BMP5: variants seen among roughly 807,000 people sequenced by gnomAD.
The protein encoded by BMP5 is bone morphogenetic protein 5.
A neutral mutation model predicts 46.6 loss-of-function variants in BMP5; 23 were observed. The ratio of observed to expected loss-of-function variants is 0.49; its 90% confidence interval spans 0.35 to 0.70. The LOEUF (loss-of-function observed/expected upper bound fraction) is 0.70, where lower values mean the gene tolerates loss of function less well. BMP5 is among the 30% of genes least tolerant of loss of function. BMP5 has a pLI of 0.00. For missense variants in BMP5, 545 were observed against 565.6 expected, an observed-to-expected ratio of 0.96 and a Z score of 0.37; for synonymous variants, 204 against 191.9, an observed-to-expected ratio of 1.06 and a Z score of -0.52.
intron 2 of BMP5, among the ~76,000 whole-genome samples, chr6:55,811,890 C>A (rs1425151231): frequency 6.6e-6 from 1 of 152,164 alleles, no homozygotes; most frequent in African/African-American, 2.4e-5. Flanking sequence ...ATATTTACAT[C>A]ATCGTTCTTA....
At chr6:55,807,874 T>C (rs1200839111) in intron 2 of BMP5, among the ~76,000 whole-genome samples, 8 of 152,180 alleles carry the variant, frequency 5.3e-5, no homozygotes, top group Non-Finnish European at 7.4e-5. Flanking sequence ...TGACATGTGT[T>C]TATATACTGA....
chr6:55,860,242 C>CCA (rs1777499292), intron 1 of BMP5, among the ~76,000 whole-genome samples: 1 of 152,136 alleles, frequency 6.6e-6, no homozygotes, highest in South Asian at 2.1e-4. Context: ...CCACTGACCT[C>CCA]CAGCCTGGGT....
rs369737308 is a variant in BMP5 at position 55,874,721 on chromosome 6, G to A, written c.145C>T (p.Arg49Trp). 44 of 1,613,332 alleles carry A rather than the reference G, an allele frequency of 2.7e-5. No individual in the cohort carries two copies. The Middle Eastern group carries it at 9.9e-4, about 36-fold the overall frequency. The change falls in exon 1 of 7, where the codon CGG becomes TGG. Residue 49 changes from arginine to tryptophan, a missense_variant. Transcript: ENST00000370830. ...GAGAGAATTTCCCTTTGTATTTCCCGTCTTTCGTGGTTCCGTAGTCTTCTA... is the reference window on the plus strand; with the variant it reads ...GAGAGAATTTCCCTTTGTATTTCCCATCTTTCGTGGTTCCGTAGTCTTCTA... ...IYRRLRNHER[R>W]EIQREILSIL...
At chr6:55,832,766 C>A (rs1446657988) in intron 1 of BMP5, among the ~76,000 whole-genome samples, 1 of 152,028 alleles carries the variant, frequency 6.6e-6, no homozygotes, top group East Asian at 1.9e-4. Flanking sequence ...AGTGTTAATG[C>A]AAATTCCAAA....
chr6:55,774,636 A>G (rs1382742968), intron 3 of BMP5, among the ~76,000 whole-genome samples: 1 of 152,032 alleles, frequency 6.6e-6, no homozygotes, highest in Non-Finnish European at 1.5e-5. Flanking sequence ...CCTTTAAGTT[A>G]TAAAAGCCGA....
chr6:55,818,201 T>C (rs539129643), intron 2 of BMP5, among the ~76,000 whole-genome samples: 1 of 151,992 alleles, frequency 6.6e-6, no homozygotes, highest in African/African-American at 2.4e-5. Context: ...AGATGACATG[T>C]ATACAGGGTG....
At chr6:55,835,369 A>T (rs1448563255) in intron 1 of BMP5, among the ~76,000 whole-genome samples, 1 of 152,198 alleles carries the variant, frequency 6.6e-6, no homozygotes, top group Non-Finnish European at 1.5e-5. Flanking sequence ...CTAACTGAGC[A>T]GAAATTATTT....
intron 1 of BMP5, among the ~76,000 whole-genome samples, chr6:55,852,550 C>G (rs1777271539): frequency 6.6e-6 from 1 of 151,970 alleles, no homozygotes; most frequent in African/African-American, 2.4e-5. Flanking sequence ...ATATTTTCAT[C>G]ATAGTCTCTG....
At chr6:55,773,406 G>A (rs964545094) in intron 4 of BMP5, among the ~76,000 whole-genome samples, 3 of 151,822 alleles carry the variant, frequency 2.0e-5, no homozygotes, top group African/African-American at 7.3e-5. Flanking sequence ...GATGCTTTCT[G>A]ATCAATTGAA....
chr6:55,821,639 C>A (rs931812907), intron 1 of BMP5, among the ~76,000 whole-genome samples: 2 of 152,132 alleles, frequency 1.3e-5, no homozygotes, highest in Non-Finnish European at 2.9e-5. Context: ...GATTATTAAT[C>A]AATTTTTCCT....
At chr6:55,792,535 C>CAAA (rs78969394) in intron 3 of BMP5, among the ~76,000 whole-genome samples, 7 of 74,656 alleles carry the variant, frequency 9.4e-5, no homozygotes, top group African/African-American at 8.9e-5. Context: ...GACTCCGTCT[C>CAAA]AAAAAAAAAA....
chr6:55,870,106 T>A lies in BMP5; in HGVS notation c.490+4270A>T, dbSNP rs1460034297. ...TGGAAGAATGAAAGGGAAGGAGAGG[T>A]GGCAGCTGAGGCAGTCCCAAGTCCT... On this transcript the variant is annotated intron_variant, in intron 1 of 6. Transcript: ENST00000370830. Among the ~76,000 whole-genome samples, 5 of 150,592 alleles carry A rather than the reference T, an allele frequency of 3.3e-5. No homozygotes were observed. In the Admixed American group the frequency reaches 3.3e-4, roughly 10 times the overall value.
intron 1 of BMP5, among the ~76,000 whole-genome samples, chr6:55,850,721 C>A (rs1777220273): frequency 6.6e-6 from 1 of 152,108 alleles, no homozygotes; most frequent in African/African-American, 2.4e-5. Context: ...ATTAGAAATT[C>A]TTTCATCAAA....
chr6:55,803,318 A>C (rs1024689586), intron 2 of BMP5, among the ~76,000 whole-genome samples: 6 of 152,136 alleles, frequency 3.9e-5, no homozygotes, highest in Non-Finnish European at 7.4e-5. Flanking sequence ...AACAAACAAA[A>C]AAAAAAACAG....
At chr6:55,787,957 A>C (rs1775487316) in intron 3 of BMP5, among the ~76,000 whole-genome samples, 1 of 151,682 alleles carries the variant, frequency 6.6e-6, no homozygotes, top group South Asian at 2.1e-4. Flanking sequence ...TGGTATAAAC[A>C]TCAGCACAAC....
intron 1 of BMP5, among the ~76,000 whole-genome samples, chr6:55,861,565 T>A (rs915846722): frequency 3.9e-5 from 6 of 152,184 alleles, no homozygotes; most frequent in African/African-American, 1.4e-4. Context: ...AATGTCAGTA[T>A]CTTTGGTGTC....
chr6:55,800,536 TA>T (rs1677079160), intron 2 of BMP5, among the ~76,000 whole-genome samples: 2 of 152,170 alleles, frequency 1.3e-5, no homozygotes, highest in Non-Finnish European at 2.9e-5. Context: ...TAATTCGATA[TA>T]TAAGGGATGT....
At chr6:55,872,086 T>C (rs1562081428) in intron 1 of BMP5, among the ~76,000 whole-genome samples, 1 of 151,824 alleles carries the variant, frequency 6.6e-6, no homozygotes, top group South Asian at 2.1e-4. Context: ...GTATGCTTAT[T>C]TATTTATTTG....
At chr6:55,847,645 T>A (rs1251028712) in intron 1 of BMP5, among the ~76,000 whole-genome samples, 1 of 151,892 alleles carries the variant, frequency 6.6e-6, no homozygotes, top group Non-Finnish European at 1.5e-5. Context: ...ATGCAATAAT[T>A]TTTTTTACTT....
Sources: allele counts gnomAD v4.1 joint callset (sites outside exome capture counted in the v4.1 genomes callset), GRCh38; gene constraint gnomAD v4.1.1; transcripts MANE v1.5; gene names NCBI Gene and HGNC (gene_info 2026-07-23, HGNC 2026-07-21).